The following RORA variants were observed in gnomAD, a reference collection of about 807,000 sequenced individuals.
RORA encodes the protein RAR related orphan receptor A.
Under a neutral mutation model 69.5 loss-of-function variants are expected in RORA, and 7 were observed. The ratio of observed to expected loss-of-function variants is 0.10; its 90% CI spans 0.06 to 0.19. The LOEUF (loss-of-function observed/expected upper bound fraction) is 0.19. Among genes scored for constraint, RORA ranks in the 10% least tolerant of loss-of-function variants. The pLI, the probability that RORA is intolerant of heterozygous loss-of-function variation, is 1.00. For missense variants in RORA, 457 were observed against 663.0 expected (o/e 0.69, Z 3.41); for synonymous variants, 261 against 240.8 (o/e 1.08, Z -0.78).
At chr15:61,172,155 T>A (rs113292607) in intron 1 of RORA, among the ~76,000 whole-genome samples, 1 of 152,170 alleles carries the variant, frequency 6.6e-6, no homozygotes, top group Admixed American at 6.5e-5. Context: ...AAAAATGGTA[T>A]AGTGTCCTTA....
At chr15:61,008,203 CTGTGTG>C (rs10581853) in intron 1 of RORA, among the ~76,000 whole-genome samples, 2,219 of 134,804 alleles carry the variant, frequency 0.016, 21 homozygotes, top group East Asian at 0.03. Context: ...CTCTCTCTCT[CTGTGTG>C]TGTGTGTGTG....
intron 1 of RORA, among the ~76,000 whole-genome samples, chr15:60,719,620 A>G (rs2071267263): frequency 6.6e-6 from 1 of 152,218 alleles, no homozygotes; most frequent in South Asian, 2.1e-4. Flanking sequence ...TGTCATAAAC[A>G]TCTTAATTTA....
chr15:60,715,758 C>T (rs1046314392), intron 1 of RORA, among the ~76,000 whole-genome samples: 1 of 152,144 alleles, frequency 6.6e-6, no homozygotes. Context: ...ATGTACACAA[C>T]TGTATGCATG....
At chr15:60,846,203 A>G (rs1250128346) in intron 1 of RORA, among the ~76,000 whole-genome samples, 1 of 152,334 alleles carries the variant, frequency 6.6e-6, no homozygotes, top group South Asian at 2.1e-4. Flanking sequence ...GATAGCAGCA[A>G]TCGTAAGTGG....
At chr15:61,002,412 T>A (rs1054100767) in intron 1 of RORA, among the ~76,000 whole-genome samples, 5 of 152,224 alleles carry the variant, frequency 3.3e-5, no homozygotes, top group Admixed American at 1.3e-4. Flanking sequence ...CAAGTTTTAT[T>A]TTGTTTAATT....
At chr15:61,048,469 G>T (rs577889630) in intron 1 of RORA, among the ~76,000 whole-genome samples, 2 of 152,170 alleles carry the variant, frequency 1.3e-5, no homozygotes, top group East Asian at 3.9e-4. Context: ...AGAGTCACAC[G>T]GCAGAGAGGA....
chr15:60,899,725 C>G (rs1372935329), intron 1 of RORA, among the ~76,000 whole-genome samples: 1 of 152,220 alleles, frequency 6.6e-6, no homozygotes, highest in Non-Finnish European at 1.5e-5. Context: ...AAACCAACGA[C>G]TAAGTAAACC....
At chr15:60,584,966 T>TC (rs2068290214) in intron 2 of RORA, among the ~76,000 whole-genome samples, 1 of 152,218 alleles carries the variant, frequency 6.6e-6, no homozygotes, top group Non-Finnish European at 1.5e-5. Flanking sequence ...TTTTTTTTCT[T>TC]CTTTTTCATG....
At chr15:60,929,985 T>C (rs28378199) in intron 1 of RORA, among the ~76,000 whole-genome samples, 73 of 152,324 alleles carry the variant, frequency 4.8e-4, no homozygotes, top group African/African-American at 1.7e-3. Flanking sequence ...CTGAACTTTC[T>C]GCAATGATGG....
intron 1 of RORA, among the ~76,000 whole-genome samples, chr15:60,880,935 C>T (rs1378791249): frequency 1.3e-5 from 2 of 152,174 alleles, no homozygotes; most frequent in Non-Finnish European, 2.9e-5. Flanking sequence ...CAAAACAAAT[C>T]TTGCCACCTG....
intron 1 of RORA, among the ~76,000 whole-genome samples, chr15:60,879,826 CTT>C (rs1353506788): frequency 6.6e-6 from 1 of 152,176 alleles, no homozygotes. Context: ...AAATCATCTC[CTT>C]TTTCACCACT....
At chr15:61,179,956 G>C (rs1006639107) in intron 1 of RORA, among the ~76,000 whole-genome samples, 2 of 150,588 alleles carry the variant, frequency 1.3e-5, no homozygotes, top group Admixed American at 1.3e-4. Flanking sequence ...AGTCAACCCA[G>C]TGAAACCCGT....
At chr15:60,908,304 A>C (rs931560467) in intron 1 of RORA, among the ~76,000 whole-genome samples, 1 of 152,184 alleles carries the variant, frequency 6.6e-6, no homozygotes, top group African/African-American at 2.4e-5. Context: ...CCATTTAAAT[A>C]TGTTTTCCCT....
intron 1 of RORA, among the ~76,000 whole-genome samples, chr15:60,978,744 A>G (rs1893946776): frequency 6.6e-6 from 1 of 152,140 alleles, no homozygotes; most frequent in Non-Finnish European, 1.5e-5. Context: ...GCAGGTGGCT[A>G]TCCAATTGTC....
chr15:61,140,890 C>T (rs1413356159), intron 1 of RORA, among the ~76,000 whole-genome samples: 1 of 152,096 alleles, frequency 6.6e-6, no homozygotes, highest in Non-Finnish European at 1.5e-5. Context: ...AAACACCTTC[C>T]TAACTCCCTC....
At chr15:61,135,453 C>T (rs973279980) in intron 1 of RORA, among the ~76,000 whole-genome samples, 2 of 151,918 alleles carry the variant, frequency 1.3e-5, no homozygotes, top group Non-Finnish European at 2.9e-5. Flanking sequence ...CAAGTGCAGA[C>T]ACAAACTACC....
At chr15:61,068,319 T>C (rs1385428938) in intron 1 of RORA, among the ~76,000 whole-genome samples, 1 of 152,194 alleles carries the variant, frequency 6.6e-6, no homozygotes, top group Non-Finnish European at 1.5e-5. Context: ...TGCTTAACGG[T>C]GTGCACTGTC....
At chr15:60,621,770 G>A (rs1312787764) in intron 2 of RORA, among the ~76,000 whole-genome samples, 1 of 151,996 alleles carries the variant, frequency 6.6e-6, no homozygotes, top group South Asian at 2.1e-4. Flanking sequence ...GGTGGGGGCC[G>A]GGCGCAGTAA....
chr15:60,627,457 C>T, intron 2 of RORA: 2 of 1,580,742 alleles, frequency 1.3e-6, no homozygotes, highest in Non-Finnish European at 8.6e-7. Flanking sequence ...GGTGATCAGA[C>T]AGATGGCTCC....
Sources: allele counts gnomAD v4.1 joint callset (sites outside exome capture counted in the v4.1 genomes callset), GRCh38; gene constraint gnomAD v4.1.1; transcripts MANE v1.5; gene names NCBI Gene and HGNC (gene_info 2026-07-23, HGNC 2026-07-21).